Variants in CHCHD3 observed in about 807,000 individuals in gnomAD.
CHCHD3 encodes the protein MICOS complex subunit MIC19.
Under a neutral mutation model 38.2 loss-of-function variants are expected in CHCHD3, and 20 were observed. The ratio of observed to expected loss-of-function variants is 0.52; its 90% CI spans 0.37 to 0.76. The LOEUF is 0.76. Ranked by LOEUF, CHCHD3 falls within the 30% of genes least tolerant of loss-of-function variation. The pLI is 0.00. For synonymous variants in CHCHD3, 82 were observed against 100.0 expected, an observed-to-expected ratio of 0.82 and a Z score of 1.07; for missense variants, 245 against 279.2, an observed-to-expected ratio of 0.88 and a Z score of 0.87.
rs189868542 is a variant in CHCHD3 at position 132,888,374 on chromosome 7, G to T, written c.370-2629C>A. 5.3e-5 allele frequency among the ~76,000 whole-genome samples: 8 copies of T among 151,768 alleles called. No homozygotes were observed. The East Asian group carries it at 1.5e-3, about 29-fold the overall frequency. On this transcript the variant is annotated intron_variant, in intron 4 of 7. Transcript: ENST00000262570. ...AATATGTTTCTTGATTGTGGTGGCG[G>T]TTATATAATTACATGCACTTGTCAA...
At chr7:132,847,717 C>T (rs181902317) in intron 5 of CHCHD3, among the ~76,000 whole-genome samples, 1 of 152,264 alleles carries the variant, frequency 6.6e-6, no homozygotes, top group East Asian at 1.9e-4. Context: ...TAAATTTGAT[C>T]AAAAGAAAAC....
intron 6 of CHCHD3, among the ~76,000 whole-genome samples, chr7:132,820,469 G>T (rs1183091584): frequency 1.3e-5 from 2 of 152,096 alleles, no homozygotes; most frequent in African/African-American, 4.8e-5. Context: ...TATGGCTTCC[G>T]CATCCCTTTC....
At chr7:133,015,348 T>TTAAATAAA (rs3049326) in intron 3 of CHCHD3, among the ~76,000 whole-genome samples, 92,813 of 143,718 alleles carry the variant, frequency 0.65, 31,585 homozygotes, top group South Asian at 0.8. Flanking sequence ...GTCTCAAAAA[T>TTAAATAAA]TAAATAAATA....
intron 5 of CHCHD3, among the ~76,000 whole-genome samples, chr7:132,847,099 G>A (rs1476331877): frequency 6.6e-6 from 1 of 152,126 alleles, no homozygotes; most frequent in Admixed American, 6.6e-5. Context: ...TGTCTTCATG[G>A]TTCAAGGTAG....
chr7:132,977,708 T>C (rs1811806973), intron 3 of CHCHD3, among the ~76,000 whole-genome samples: 1 of 152,232 alleles, frequency 6.6e-6, no homozygotes, highest in South Asian at 2.1e-4. Context: ...ATGAATTCTG[T>C]TCAACTGAAT....
rs754837961 is a variant in CHCHD3 at position 133,035,603 on chromosome 7, T to C, written c.170-10976A>G. ...ACACCCAGGTACTGGCTGGGGGCAC[T>C]ATATCGGAATCAGCAAAGCTCACCC... On this transcript the variant is annotated intron_variant, in intron 2 of 7. Transcript: ENST00000262570. This position sits in a 1 kb window ranked among gnomAD's most constrained non-coding sequence, Gnocchi z 4.7. 1 of 1,612,610 alleles carries C rather than the reference T, an allele frequency of 6.2e-7. No homozygotes were observed.
At chr7:133,024,158 C>T (rs10238853) in intron 3 of CHCHD3, among the ~76,000 whole-genome samples, 1,883 of 152,314 alleles carry the variant, frequency 0.012, 42 homozygotes, top group African/African-American at 0.043. Flanking sequence ...ATGTATCACA[C>T]ACGATATTCA....
intron 4 of CHCHD3, among the ~76,000 whole-genome samples, chr7:132,974,258 G>C (rs1811697118): frequency 6.6e-6 from 1 of 152,196 alleles, no homozygotes; most frequent in African/African-American, 2.4e-5. Context: ...ATATCAGAAA[G>C]ACAGATTGAT....
chr7:132,904,625 A>G (rs1809751261), intron 4 of CHCHD3, among the ~76,000 whole-genome samples: 1 of 152,156 alleles, frequency 6.6e-6, no homozygotes, highest in East Asian at 1.9e-4. Context: ...AAATAGGAAC[A>G]CTTTTACACT....
intron 4 of CHCHD3, among the ~76,000 whole-genome samples, chr7:132,934,467 C>T (rs1443998686): frequency 6.6e-6 from 1 of 152,140 alleles, no homozygotes; most frequent in African/African-American, 2.4e-5. Context: ...TCATCTGACC[C>T]CACATCGCTG....
At chr7:132,850,553 A>G (rs1808196242) in intron 5 of CHCHD3, among the ~76,000 whole-genome samples, 1 of 151,498 alleles carries the variant, frequency 6.6e-6, no homozygotes, top group South Asian at 2.1e-4. Context: ...ACATTACCTC[A>G]TGCCTCAGTT....
chr7:132,850,801 G>C (rs1220176630), intron 5 of CHCHD3, among the ~76,000 whole-genome samples: 1 of 152,158 alleles, frequency 6.6e-6, no homozygotes, highest in Non-Finnish European at 1.5e-5. Flanking sequence ...TACATAGTTA[G>C]TAAAGAATTA....
At chr7:132,830,436 AT>A in intron 6 of CHCHD3, among the ~76,000 whole-genome samples, 1 of 152,308 alleles carries the variant, frequency 6.6e-6, no homozygotes, top group African/African-American at 2.4e-5. Flanking sequence ...ACTTACGACC[AT>A]TTTTTAGATA....
rs762379512 is a variant in CHCHD3, at chr7:133,035,072, C to T, written c.170-10445G>A. On this transcript the variant is annotated intron_variant, in intron 2 of 7. Coordinates refer to ENST00000262570, the MANE Select transcript of CHCHD3 (RefSeq NM_017812.4). This position sits in a 1 kb window ranked among gnomAD's most constrained non-coding sequence, Gnocchi z 4.7. The stretch of plus-strand genomic sequence containing the variant: ...CATCCAACACAAAGGTACTCTTGGG[C>T]AGGTGAGCGAAGGGGTCCTTGGCCT... 1.2e-4 allele frequency: 198 copies of T among 1,613,666 alleles called. 2 individuals carry two copies. The Admixed American group carries it at 3.1e-3, about 25-fold the overall frequency.
chr7:133,034,114 A>T (rs544052037), intron 2 of CHCHD3, among the ~76,000 whole-genome samples: 1 of 152,346 alleles, frequency 6.6e-6, no homozygotes, highest in East Asian at 1.9e-4. Flanking sequence ...CACATTTCCC[A>T]TCAAAATTAT....
At chr7:132,923,813 G>T (rs935295920) in intron 4 of CHCHD3, among the ~76,000 whole-genome samples, 34 of 152,084 alleles carry the variant, frequency 2.2e-4, no homozygotes, top group African/African-American at 8.2e-4. Context: ...TAAACACTTT[G>T]CTATCCTAAC....
intron 6 of CHCHD3, among the ~76,000 whole-genome samples, chr7:132,816,715 C>T (rs1018593375): frequency 2.0e-5 from 3 of 152,190 alleles, no homozygotes; most frequent in Non-Finnish European, 4.4e-5. Flanking sequence ...CCAAGCCATT[C>T]CAGGAACCAG....
At chr7:132,837,469 G>A (rs1233274333) in intron 6 of CHCHD3, among the ~76,000 whole-genome samples, 1 of 152,152 alleles carries the variant, frequency 6.6e-6, no homozygotes, top group Non-Finnish European at 1.5e-5. Context: ...AGGCTGAAGG[G>A]CTTTGGCTCT....
chr7:132,930,005 A>G (rs1260957733), intron 4 of CHCHD3, among the ~76,000 whole-genome samples: 1 of 152,122 alleles, frequency 6.6e-6, no homozygotes, highest in Admixed American at 6.6e-5. Flanking sequence ...TGGGTCCTTA[A>G]CTCATTACAT....
Sources: gnomAD v4.1 joint callset for allele counts (sites outside exome capture counted in the v4.1 genomes callset) on GRCh38, gnomAD v4.1.1 for gene constraint, Gnocchi (gnomAD v3.1) non-coding constraint, MANE v1.5 for transcripts, NCBI Gene and HGNC (gene_info 2026-07-23, HGNC 2026-07-21) for gene names.